The following ASB3 variants were observed in gnomAD, a reference collection of about 807,000 sequenced individuals.
The protein encoded by ASB3 is ankyrin repeat and SOCS box protein 3.
ASB3 carries 41 observed loss-of-function variants against 54.5 expected under a neutral mutation model. That is an observed-to-expected ratio of 0.75 (90% CI 0.59 to 0.98). ASB3 has a LOEUF of 0.98. Among genes scored for constraint, ASB3 ranks in the 50% least tolerant of loss-of-function variants. ASB3 has a pLI of 0.00. For synonymous variants in ASB3, 266 were observed against 221.2 expected (o/e 1.20, Z -1.80); for missense variants, 733 against 620.0 (o/e 1.18, Z -1.94).
At chr2:53,731,866 T>A (rs1458139525) in intron 3 of ASB3, among the ~76,000 whole-genome samples, 1 of 152,162 alleles carries the variant, frequency 6.6e-6, no homozygotes, top group African/African-American at 2.4e-5. Context: ...TTGGCCAGGG[T>A]GGTCCTGAAC....
intron 3 of ASB3, among the ~76,000 whole-genome samples, chr2:53,732,436 T>C (rs1671372894): frequency 6.6e-6 from 1 of 152,336 alleles, no homozygotes; most frequent in African/African-American, 2.4e-5. Context: ...CAGTGACTGT[T>C]AGCAAAAATC....
chr2:53,704,875 T>C (rs1003289192), intron 7 of ASB3, among the ~76,000 whole-genome samples: 4 of 152,238 alleles, frequency 2.6e-5, no homozygotes, highest in South Asian at 2.1e-4. Context: ...TGATCACTTA[T>C]GAAAACTCTC....
intron 3 of ASB3, among the ~76,000 whole-genome samples, chr2:53,730,182 G>A (rs1282770516): frequency 1.3e-5 from 2 of 152,090 alleles, no homozygotes; most frequent in African/African-American, 4.8e-5. Flanking sequence ...CTATGAAGGT[G>A]GCACTAATTA....
intron 9 of ASB3, among the ~76,000 whole-genome samples, chr2:53,672,009 T>C (rs1378464209): frequency 6.6e-6 from 1 of 152,192 alleles, no homozygotes; most frequent in Non-Finnish European, 1.5e-5. Context: ...TAGGGTTCTT[T>C]AAACTCTAAT....
chr2:53,682,151 C>G (rs1452998822), intron 9 of ASB3, among the ~76,000 whole-genome samples: 1 of 143,818 alleles, frequency 7.0e-6, no homozygotes, highest in African/African-American at 2.6e-5. Context: ...CAAAACGAGA[C>G]TCCGTCTCAA....
intron 9 of ASB3, among the ~76,000 whole-genome samples, chr2:53,676,455 C>A (rs148726627): frequency 6.6e-6 from 1 of 152,258 alleles, no homozygotes; most frequent in African/African-American, 2.4e-5. Flanking sequence ...GCATACACTG[C>A]GTAAGGATAT....
At position 53,682,159 on chromosome 2, in the gene ASB3, C is replaced by CAA. The variant is rs773098555; in HGVS notation, c.1370-11471_1370-11470dup. ...TGGGTGACAAAACGAGACTCCGTCTCAAAAAAAAAAAAAAAAAAATTAGGA... is the reference window on the plus strand; with the variant it reads ...TGGGTGACAAAACGAGACTCCGTCTCAAAAAAAAAAAAAAAAAAAAATTAGGA... On this transcript the variant is annotated intron_variant, in intron 9 of 9. Coordinates refer to ENST00000263634, the MANE Select transcript of ASB3 (RefSeq NM_016115.5). Among the ~76,000 whole-genome samples, 178 of 77,036 alleles carry CAA rather than the reference C, an allele frequency of 2.3e-3. 3 individuals carry two copies. The South Asian group carries it at 0.036, about 15-fold the overall frequency. The allele number at this position is 77,036 out of a possible 152,430, so 50.5% of individuals were successfully genotyped here.
intron 9 of ASB3, among the ~76,000 whole-genome samples, chr2:53,686,971 T>C (rs999412559): frequency 6.6e-6 from 1 of 152,184 alleles, no homozygotes; most frequent in African/African-American, 2.4e-5. Context: ...CCGCCTGCCT[T>C]GGCCTCCCAA....
chr2:53,758,762 G>A (rs1672977664), intron 2 of ASB3, among the ~76,000 whole-genome samples: 1 of 152,198 alleles, frequency 6.6e-6, no homozygotes, highest in African/African-American at 2.4e-5. Flanking sequence ...GGACGCTCTA[G>A]TCCTCTGGGA....
At chr2:53,767,579 T>G in intron 1 of ASB3, 1 of 305,670 alleles carries the variant, frequency 3.3e-6, no homozygotes. Context: ...ATTGTGGGTA[T>G]TGTAGTTTTC....
At chr2:53,765,918 A>G (rs1673423037) in intron 1 of ASB3, among the ~76,000 whole-genome samples, 1 of 103,374 alleles carries the variant, frequency 9.7e-6, no homozygotes, top group African/African-American at 2.8e-5. Flanking sequence ...TGCTCCATTG[A>G]TAAGAGCACC....
intron 9 of ASB3, among the ~76,000 whole-genome samples, chr2:53,682,010 A>T (rs1443441207): frequency 6.6e-6 from 1 of 152,044 alleles, no homozygotes; most frequent in Admixed American, 6.6e-5. Flanking sequence ...GTACAAAAAA[A>T]TTAGCCAGGC....
intron 2 of ASB3, among the ~76,000 whole-genome samples, chr2:53,761,065 C>A (rs976328213): frequency 2.0e-5 from 3 of 152,136 alleles, no homozygotes; most frequent in Admixed American, 1.3e-4. Context: ...CCAACCTCCC[C>A]AACAGCACTT....
chr2:53,703,348 T>C (rs1351421901), intron 7 of ASB3, among the ~76,000 whole-genome samples: 1 of 152,200 alleles, frequency 6.6e-6, no homozygotes, highest in Non-Finnish European at 1.5e-5. Context: ...CTTTCCATCA[T>C]CCCTGGGAGT....
intron 1 of ASB3, among the ~76,000 whole-genome samples, chr2:53,779,980 T>C: frequency 6.6e-6 from 1 of 152,188 alleles, no homozygotes; most frequent in South Asian, 2.1e-4. Flanking sequence ...AAAGATTACA[T>C]GATAGTAAAA....
chr2:53,733,984 C>A lies in ASB3; in HGVS notation c.356-4414G>T, dbSNP rs1671472630. ...AGGGATGGGTTTGGCTAGTTATCTG[C>A]AGCAGGAGCATGTCCTTAAGGCACA... On this transcript the variant is annotated intron_variant, in intron 3 of 9. Transcript: ENST00000263634. 2.0e-5 allele frequency among the ~76,000 whole-genome samples: 3 copies of A among 152,372 alleles called. No individual in the cohort carries two copies. The Middle Eastern group carries it at 0.01, about 518-fold the overall frequency.
chr2:53,736,738 A>G (rs1486964125), intron 3 of ASB3, among the ~76,000 whole-genome samples: 1 of 150,754 alleles, frequency 6.6e-6, no homozygotes, highest in Non-Finnish European at 1.5e-5. Flanking sequence ...ACAGTGGCTC[A>G]TACCTGTAAC....
At chr2:53,687,026 T>C (rs1296197674) in intron 9 of ASB3, among the ~76,000 whole-genome samples, 2 of 152,198 alleles carry the variant, frequency 1.3e-5, no homozygotes, top group Non-Finnish European at 2.9e-5. Context: ...GGCCAATTGC[T>C]CCTTTCTTAA....
chr2:53,744,668 C>A (rs944962049), intron 3 of ASB3, among the ~76,000 whole-genome samples: 1 of 151,872 alleles, frequency 6.6e-6, no homozygotes, highest in Non-Finnish European at 1.5e-5. Flanking sequence ...GTTTTATTAA[C>A]ATAATATATA....
Sources: gnomAD v4.1 joint callset for allele counts (sites outside exome capture counted in the v4.1 genomes callset) on GRCh38, gnomAD v4.1.1 for gene constraint, MANE v1.5 for transcripts, NCBI Gene and HGNC (gene_info 2026-07-23, HGNC 2026-07-21) for gene names.